PHLDB1: variants seen among roughly 807,000 people sequenced by gnomAD.
PHLDB1 encodes pleckstrin homology like domain family B member 1, also known as pleckstrin homology-like domain family B member 1.
A neutral mutation model predicts 139.3 loss-of-function variants in PHLDB1; 65 were observed. That is an observed-to-expected ratio of 0.47 (90% CI 0.38 to 0.57). The LOEUF is 0.57. Among genes scored for constraint, PHLDB1 ranks in the 20% least tolerant of loss-of-function variants. The pLI is 0.00. For synonymous variants in PHLDB1, 679 were observed against 734.5 expected, an observed-to-expected ratio of 0.92 and a Z score of 1.22; for missense variants, 1,624 against 1,839.7, an observed-to-expected ratio of 0.88 and a Z score of 2.14.
chr11:118,638,818 A>G, intron 10 of PHLDB1, 73 bp from the exon 11 acceptor site: 1 of 1,129,084 alleles, frequency 8.9e-7, no homozygotes, highest in Admixed American at 2.6e-5. Flanking sequence ...TCTGGGCAGG[A>G]GAGCCAGCTA....
Position 118,632,533 on chromosome 11 carries a change from A to G in PHLDB1, c.2379+237A>G. ...TCTCCTCTGTCTGGGTCTGTGTGCT[A>G]CCTCTGGGTGCCTGCCATCCTAGGC... On this transcript the variant is annotated intron_variant, in intron 9 of 22. Coordinates refer to ENST00000600882, the MANE Select transcript of PHLDB1 (RefSeq NM_001144758.3). The surrounding 1 kb of genome is among the most constrained non-coding windows in gnomAD (Gnocchi z 5.9). The G allele has an allele frequency of 5.3e-6, 3 of 564,516 alleles. No homozygotes were observed. The highest frequency in any genetic ancestry group is 3.0e-5 in the East Asian group (1 of 33,508). The allele number at this position is 564,516 out of a possible 1,614,324, so 35.0% of individuals were successfully genotyped here.
At position 118,655,629 on chromosome 11, in the gene PHLDB1, G is replaced by T; in HGVS notation, c.3899G>T (p.Gly1300Val). ...GACAAGCATGAGACGAAGCTGAAGG[G>T]AGTCATCTATTTCCAGGCCATTGAG... ...YVDKHETKLK[G>V]VIYFQAIEEV... Residue 1300 changes from glycine (G) to valine (V), a missense_variant, in exon 21 of 23, where the codon GGA (glycine) becomes GTA (valine). By Grantham distance (109) the Gly-to-Val change is moderately radical (BLOSUM62 -3). Coordinates refer to ENST00000600882, the MANE Select transcript of PHLDB1 (RefSeq NM_001144758.3). The T allele has an allele frequency of 6.2e-7, 1 of 1,613,342 alleles. No individual in the cohort carries two copies. The highest frequency in any genetic ancestry group is 8.5e-7 in the Non-Finnish European group (1 of 1,179,394).
In PHLDB1 at chr11:118,649,977, A is replaced by G. The variant is rs1268979968; in HGVS notation, c.3655-100A>G. ...GACCGCCATGGGTTAGGGAGGTGTG[A>G]TGTCAGGCTGTTGGGGTTTAGAAGT... On this transcript the variant is annotated intron_variant, in intron 18 of 22. Transcript: ENST00000600882. 3 of 841,404 alleles carry G rather than the reference A, an allele frequency of 3.6e-6. No homozygotes were observed. The African/African-American group carries it at 5.0e-5, about 14-fold the overall frequency. The allele number at this position is 841,404 out of a possible 1,614,324, so 52.1% of individuals were successfully genotyped here. A position where few individuals can be genotyped will look rare whatever the true frequency, so the allele number is the denominator to read the frequency against.
rs60176755 is a variant in PHLDB1 at position 118,611,832 on chromosome 11, A to ATAATAAT, written c.-21-1984_-21-1983insTAATAAT. Among the ~76,000 whole-genome samples, 4 of 147,086 alleles carry ATAATAAT rather than the reference A, an allele frequency of 2.7e-5. No homozygotes were observed. In the East Asian group the frequency reaches 7.9e-4, roughly 29 times the overall value. On this transcript the variant is annotated intron_variant, in intron 1 of 22. Coordinates refer to ENST00000600882, the MANE Select transcript of PHLDB1 (RefSeq NM_001144758.3). The surrounding 1 kb of genome is among the most constrained non-coding windows in gnomAD (Gnocchi z 4.7). Reference sequence around the variant, plus strand: ...AAACTCCGTCTCAAAAAAAAAAAAAAAATAATAATAATAATAATAAATGGC... The same window carrying ATAATAAT: ...AAACTCCGTCTCAAAAAAAAAAAAAATAATAATAATAATAATAATAATAATAAATGGC...
At chr11:118,623,689 C>CT (rs1943256433) in intron 4 of PHLDB1, among the ~76,000 whole-genome samples, 1 of 93,940 alleles carries the variant, frequency 1.1e-5, no homozygotes, top group Admixed American at 9.5e-5. Flanking sequence ...AAATTCAGGA[C>CT]CCCCCCGGTT....
At chr11:118,630,105 C>T (rs782119131) in intron 6 of PHLDB1, 2 of 1,239,814 alleles carry the variant, frequency 1.6e-6, no homozygotes, top group South Asian at 2.5e-5. Context: ...GAACACCTCT[C>T]CAGCCTTCTC....
At chr11:118,629,606 T>G (rs1321988654) in intron 6 of PHLDB1, among the ~76,000 whole-genome samples, 1 of 152,220 alleles carries the variant, frequency 6.6e-6, no homozygotes, top group East Asian at 1.9e-4. Context: ...GAGATGCTTT[T>G]GGAAGAGGTT....
chr11:118,621,422 G>C (rs1203799726), intron 4 of PHLDB1: 2 of 152,110 alleles, frequency 1.3e-5, no homozygotes, highest in Non-Finnish European at 2.9e-5. Flanking sequence ...TGCTCGCTCC[G>C]AGCCTAGAGC....
upstream of PHLDB1, chr11:118,606,446 C>T (rs537189610): frequency 7.2e-5 from 11 of 152,370 alleles, no homozygotes; most frequent in Admixed American, 6.5e-4. Flanking sequence ...ACAAACTAAA[C>T]TCATTGAATT....
In PHLDB1 at chr11:118,655,596, G is replaced by T. The variant is rs150576411; in HGVS notation, c.3875-9G>T. 0.017 allele frequency: 26,587 copies of T among 1,599,208 alleles called. 263 individuals are homozygous for T. Among genetic ancestry groups the T allele is most frequent in the Non-Finnish European group, 0.019 (22,645 of 1,166,598 alleles). On this transcript the variant is annotated splice_polypyrimidine_tract_variant and intron_variant, in intron 20 of 22. Coordinates refer to ENST00000600882, the MANE Select transcript of PHLDB1 (RefSeq NM_001144758.3). ...CCGGCTCCATAGCCCACCCTTACTT[G>T]CTTTGCAGACAAGCATGAGACGAAG...
At chr11:118,614,503 A>G in intron 2 of PHLDB1, 56 bp from the exon 3 acceptor site, 6 of 1,599,964 alleles carry the variant, frequency 3.8e-6, no homozygotes, top group Non-Finnish European at 5.1e-6. Context: ...TGACTGGTTT[A>G]GGGTGGTAAG....
chr11:118,619,753 T>C (rs1555092863), intron 4 of PHLDB1, among the ~76,000 whole-genome samples: 1 of 152,214 alleles, frequency 6.6e-6, no homozygotes, highest in African/African-American at 2.4e-5. Flanking sequence ...CGTGTGCACA[T>C]GTGAGCGTGT....
chr11:118,619,492 G>T (rs1389216527), intron 4 of PHLDB1, among the ~76,000 whole-genome samples: 2 of 152,118 alleles, frequency 1.3e-5, no homozygotes, highest in East Asian at 1.9e-4. Context: ...GACTGATAAC[G>T]ATCTTGACTA....
intron 9 of PHLDB1, 114 bp from the exon 10 acceptor site, chr11:118,635,279 T>C: frequency 7.9e-7 from 1 of 1,265,626 alleles, no homozygotes; most frequent in South Asian, 1.5e-5. Flanking sequence ...GCAGGTTTCT[T>C]ACCCAATTTC....
intron 4 of PHLDB1, 83 bp from the exon 5 acceptor site, chr11:118,624,851 C>G: frequency 6.9e-7 from 1 of 1,439,052 alleles, no homozygotes; most frequent in South Asian, 1.2e-5. Flanking sequence ...CTCAGGTGAT[C>G]CACCCTCCTC....
Position 118,631,441 on chromosome 11 carries a change from A to G in PHLDB1, c.2062A>G (p.Lys688Glu), listed in dbSNP as rs781807910. The G allele has an allele frequency of 7.0e-7, 1 of 1,436,618 alleles. No homozygotes were observed. The highest frequency in any genetic ancestry group is 1.6e-5 in the South Asian group (1 of 63,882). The allele number at this position is 1,436,618 out of a possible 1,614,324, so 89.0% of individuals were successfully genotyped here. Residue 688 changes from lysine to glutamate, a missense_variant, in exon 7 of 23, where the codon AAG becomes GAG. Transcript: ENST00000600882. ...GGAGCGCTCAGATGAGGAAAATCTC[A>G]AGGAGGAGTGCAGCAGCACTGAGAG... is the stretch of plus-strand genomic sequence containing the variant. ...SMERSDEENL[K>E]EECSSTESTQ...
intron 1 of PHLDB1, among the ~76,000 whole-genome samples, chr11:118,609,833 A>G (rs1939823046): frequency 6.6e-6 from 1 of 152,170 alleles, no homozygotes; most frequent in African/African-American, 2.4e-5. Flanking sequence ...ACCTTGCGGA[A>G]ACCTCCCTCC....
intron 1 of PHLDB1, among the ~76,000 whole-genome samples, chr11:118,607,971 C>T (rs1360109550): frequency 2.6e-5 from 4 of 152,066 alleles, no homozygotes; most frequent in South Asian, 2.1e-4. Context: ...CTCTCCCCCC[C>T]TTGGAGAAAC....
At chr11:118,622,562 C>T (rs1555096210) in intron 4 of PHLDB1, among the ~76,000 whole-genome samples, 1 of 152,088 alleles carries the variant, frequency 6.6e-6, no homozygotes, top group African/African-American at 2.4e-5. Context: ...GGCAGAGGAT[C>T]CCTAGATGCC....
Sources: allele counts gnomAD v4.1 joint callset (sites outside exome capture counted in the v4.1 genomes callset), GRCh38; gene constraint gnomAD v4.1.1; non-coding constraint Gnocchi (gnomAD v3.1); transcripts MANE v1.5; gene names NCBI Gene and HGNC (gene_info 2026-07-23, HGNC 2026-07-21).